Variants in PLA2G5 observed in about 807,000 individuals in gnomAD.
PLA2G5 encodes Ca2+-dependent phospholipase A2.
A neutral mutation model predicts 15.9 loss-of-function variants in PLA2G5; 12 were observed. The ratio of observed to expected loss-of-function variants is 0.76; its 90% CI spans 0.48 to 1.23. The LOEUF is 1.23. Ranked by LOEUF, PLA2G5 falls within the 50% of genes most tolerant of loss-of-function variation. The pLI, the probability that PLA2G5 is intolerant of heterozygous loss-of-function variation, is 0.00. For missense variants in PLA2G5, 169 were observed against 177.1 expected (o/e 0.95, Z 0.26); for synonymous variants, 71 against 71.4 (o/e 0.99, Z 0.03).
At chr1:20,089,989 G>C (rs2016489894) in intron 4 of PLA2G5, 94 bp downstream of exon 4, 2 of 862,342 alleles carry the variant, frequency 2.3e-6, no homozygotes, top group South Asian at 3.3e-5. Flanking sequence ...CTTGTTGGGG[G>C]AGGAGGAGTT....
At chr1:20,071,566 G>C (rs1324479333) in intron 1 of PLA2G5, among the ~76,000 whole-genome samples, 1 of 152,142 alleles carries the variant, frequency 6.6e-6, no homozygotes, top group Non-Finnish European at 1.5e-5. Flanking sequence ...CACGGTACTG[G>C]GAGAGCTCAG....
intron 1 of PLA2G5, among the ~76,000 whole-genome samples, chr1:20,050,415 C>T (rs2014126379): frequency 6.6e-6 from 1 of 152,098 alleles, no homozygotes; most frequent in Non-Finnish European, 1.5e-5. Flanking sequence ...ATTGTAAGGG[C>T]CAATTTTGAG....
chr1:20,045,162 A>C (rs1380761251), intron 1 of PLA2G5, among the ~76,000 whole-genome samples: 2 of 152,128 alleles, frequency 1.3e-5, no homozygotes, highest in East Asian at 3.8e-4. Context: ...GTCAGGTGTG[A>C]GTTGAAGAGG....
At position 20,082,690 on chromosome 1, in the gene PLA2G5, T is replaced by C. The variant is rs893555091; in HGVS notation, c.-10-2131T>C. Among the ~76,000 whole-genome samples, 5 of 151,928 alleles carry C rather than the reference T, an allele frequency of 3.3e-5. No homozygotes were observed. The East Asian group carries it at 5.8e-4, about 18-fold the overall frequency. Reference sequence around the variant, plus strand: ...CCTACTGTCACAGTTGGTCTGTATATGAAAGGCATGCTCACAGAGGAGCCA... The same window carrying C: ...CCTACTGTCACAGTTGGTCTGTATACGAAAGGCATGCTCACAGAGGAGCCA... On this transcript the variant is annotated intron_variant, in intron 1 of 4. Transcript: ENST00000375108.
chr1:20,048,752 C>CA (rs1274086708), intron 1 of PLA2G5, among the ~76,000 whole-genome samples: 3 of 152,002 alleles, frequency 2.0e-5, no homozygotes, highest in Non-Finnish European at 4.4e-5. Context: ...AGTGGTGGTT[C>CA]CATAAGTTTA....
intron 2 of PLA2G5, among the ~76,000 whole-genome samples, chr1:20,060,086 G>A (rs2014632514): frequency 6.6e-6 from 1 of 152,150 alleles, no homozygotes; most frequent in East Asian, 1.9e-4. Context: ...AGCACAAAGG[G>A]TGAAACATAG....
intron 2 of PLA2G5, among the ~76,000 whole-genome samples, chr1:20,062,679 A>T (rs1031019473): frequency 6.6e-6 from 1 of 152,104 alleles, no homozygotes; most frequent in Non-Finnish European, 1.5e-5. Context: ...GGGACAGGGG[A>T]GGTGGCACAC....
At chr1:20,079,963 C>A (rs1177874679) in intron 1 of PLA2G5, among the ~76,000 whole-genome samples, 2 of 152,080 alleles carry the variant, frequency 1.3e-5, no homozygotes, top group East Asian at 3.9e-4. Flanking sequence ...CCCGAGTCAC[C>A]CCAGCTCAGG....
At chr1:20,075,862 CTT>C (rs1195970293) in intron 1 of PLA2G5, among the ~76,000 whole-genome samples, 4 of 139,144 alleles carry the variant, frequency 2.9e-5, no homozygotes, top group Non-Finnish European at 4.6e-5. Context: ...ATGTGGATTT[CTT>C]TCTCTTTTTT....
intron 1 of PLA2G5, among the ~76,000 whole-genome samples, chr1:20,078,681 G>A (rs953785404): frequency 3.3e-5 from 5 of 152,096 alleles, no homozygotes; most frequent in Admixed American, 1.3e-4. Context: ...GGGTTCTTCC[G>A]GGAGCCCAGT....
At chr1:20,083,843 T>C (rs1432299206) in intron 1 of PLA2G5, among the ~76,000 whole-genome samples, 3 of 151,726 alleles carry the variant, frequency 2.0e-5, no homozygotes, top group Non-Finnish European at 4.4e-5. Context: ...GAGCCTCAAC[T>C]TTCCCAGTGG....
At chr1:20,088,095 C>A (rs11573276) in intron 3 of PLA2G5, among the ~76,000 whole-genome samples, 3,527 of 151,616 alleles carry the variant, frequency 0.023, 128 homozygotes, top group African/African-American at 0.08. Flanking sequence ...CGGTGGCTCA[C>A]GCCTGTAATC....
At chr1:20,060,908 G>T (rs2014693741) in intron 2 of PLA2G5, among the ~76,000 whole-genome samples, 1 of 152,022 alleles carries the variant, frequency 6.6e-6, no homozygotes, top group Non-Finnish European at 1.5e-5. Flanking sequence ...GTAGAGATGG[G>T]ATTTTTCCAT....
intron 3 of PLA2G5, 58 bp downstream of exon 3, chr1:20,086,285 A>G (rs896364473): frequency 6.5e-7 from 1 of 1,533,652 alleles, no homozygotes; most frequent in East Asian, 2.3e-5. Context: ...ATGTTTTCTT[A>G]TTCAATTCCA....
At position 20,042,770 on chromosome 1, in the gene PLA2G5, C is replaced by T. The variant is rs533762056; in HGVS notation, n.276+14061C>T. On this transcript the variant is annotated intron_variant and non_coding_transcript_variant, in intron 1 of 6. Transcript: ENST00000460175. ...AGGGGTTGGGGTTTGGGAGATTAGC[C>T]GGACATGATCAGCAGGGAGACCACG... Among the ~76,000 whole-genome samples the T allele has an allele frequency of 9.9e-5, 15 of 152,088 alleles. No homozygotes were observed. The East Asian group carries it at 2.5e-3, about 25-fold the overall frequency.
intron 1 of PLA2G5, among the ~76,000 whole-genome samples, chr1:20,077,795 G>A (rs1195431609): frequency 1.3e-5 from 2 of 152,148 alleles, no homozygotes; most frequent in African/African-American, 4.8e-5. Context: ...TTGAACACAC[G>A]TCTCTCCTAC....
chr1:20,090,682 T>A lies in PLA2G5; in HGVS notation c.407T>A (p.Leu136His). Residue 136 changes from leucine (L) to histidine (H), a missense_variant, in exon 5 of 5, where the codon CTC (leucine) becomes CAC (histidine). By Grantham distance (99) the Leu-to-His change is moderately conservative (BLOSUM62 -3). Coordinates refer to ENST00000375108, the MANE Select transcript of PLA2G5 (RefSeq NM_000929.3). ...CAGTACCAATACTTTCCCAACATCC[T>A]CTGCTCCTAGGCCTCCCCAGCGAGC... is the stretch of plus-strand genomic sequence containing the variant. Reference protein sequence around the residue: ...NPQYQYFPNILCS With the variant: ...NPQYQYFPNIHCS 1 of 1,614,138 alleles carries A rather than the reference T, an allele frequency of 6.2e-7. No homozygotes were observed. The highest frequency in any genetic ancestry group is 8.5e-7 in the Non-Finnish European group (1 of 1,179,984).
chr1:20,076,242 T>A (rs1462205624), intron 1 of PLA2G5, among the ~76,000 whole-genome samples: 1 of 152,130 alleles, frequency 6.6e-6, no homozygotes, highest in Non-Finnish European at 1.5e-5. Flanking sequence ...TTGTTTTTTT[T>A]AAAGCACCGT....
chr1:20,079,737 A>G (rs1037228747), intron 1 of PLA2G5, among the ~76,000 whole-genome samples: 10 of 152,148 alleles, frequency 6.6e-5, no homozygotes, highest in African/African-American at 2.2e-4. Flanking sequence ...CTCATGTTTT[A>G]CATTAAGAAC....
Sources: allele counts gnomAD v4.1 joint callset (sites outside exome capture counted in the v4.1 genomes callset), GRCh38; gene constraint gnomAD v4.1.1; transcripts MANE v1.5; gene names NCBI Gene and HGNC (gene_info 2026-07-23, HGNC 2026-07-21).